The following SREK1 variants were observed in gnomAD, a reference collection of about 807,000 sequenced individuals.
The protein encoded by SREK1 is splicing regulatory glutamine/lysine-rich protein 1.
In SREK1, 13 loss-of-function variants were observed where a neutral mutation model predicts 66.5. The observed-to-expected ratio is 0.20, with a 90% CI of 0.13 to 0.31. SREK1 has a LOEUF of 0.31. Among genes scored for constraint, SREK1 ranks in the 10% least tolerant of loss-of-function variants. The pLI is 1.00. For missense variants in SREK1, 607 were observed against 769.6 expected (o/e 0.79, Z 2.50); for synonymous variants, 265 against 263.5 (o/e 1.01, Z -0.05).
Position 66,144,381 on chromosome 5 carries a change from ACAG to A in SREK1, c.7_9del (p.Ser3del), listed in dbSNP as rs1477981416. The A allele has an allele frequency of 3.9e-6, 6 of 1,547,342 alleles. No homozygotes were observed. In the African/African-American group the frequency reaches 5.5e-5, roughly 14 times the overall value. On this transcript the variant is annotated inframe_deletion, in exon 1 of 12. Transcript: ENST00000334121. ...GGCAACGGCAGCGGGATCGGGATGA[ACAG>A]CGGCGGCGGCTTCGGTTTGGGCTTA... is the stretch of plus-strand genomic sequence containing the variant.
intron 6 of SREK1, 61 bp downstream of exon 6, chr5:66,163,983 A>G: frequency 6.5e-7 from 1 of 1,532,386 alleles, no homozygotes. Context: ...TTAGAACTGG[A>G]AGGAATTTTA....
chr5:66,156,794 G>A, intron 2 of SREK1: 1 of 985,308 alleles, frequency 1.0e-6, no homozygotes, highest in Non-Finnish European at 1.2e-6. Flanking sequence ...GTGGGGAATG[G>A]ATATTTGAGA....
intron 1 of SREK1, among the ~76,000 whole-genome samples, chr5:66,149,933 C>T (rs1040521045): frequency 2.0e-5 from 3 of 152,248 alleles, no homozygotes; most frequent in Non-Finnish European, 4.4e-5. Flanking sequence ...TATCAGCAAT[C>T]AAGATGACTA....
rs182379954 is a variant in SREK1, at chr5:66,164,536, C to T, written c.887-247C>T. ...ACAGGAATTACAGACATGTTGTAAT[C>T]GTACGTTACGGCAGCAACAAAATAT... On this transcript the variant is annotated intron_variant, in intron 6 of 11. Transcript: ENST00000334121. The T allele has an allele frequency of 6.4e-5, 89 of 1,393,592 alleles. 1 individual carries two copies. In the East Asian group the frequency reaches 2.1e-3, roughly 33 times the overall value. The allele number at this position is 1,393,592 out of a possible 1,614,324, so 86.3% of individuals were successfully genotyped here.
chr5:66,153,657 G>A (rs1025345163), intron 2 of SREK1, 61 bp downstream of exon 2: 1 of 1,606,670 alleles, frequency 6.2e-7, no homozygotes, highest in Admixed American at 1.7e-5. Flanking sequence ...ATTGCCTTTA[G>A]CTTTCCTAGA....
chr5:66,149,717 A>G (rs776905392), intron 1 of SREK1, among the ~76,000 whole-genome samples: 1 of 152,254 alleles, frequency 6.6e-6, no homozygotes, highest in South Asian at 2.1e-4. Flanking sequence ...TTCAGAGGCA[A>G]AAGAGTTATT....
At chr5:66,144,576 C>G in intron 1 of SREK1, 39 bp downstream of exon 1, 1 of 1,528,208 alleles carries the variant, frequency 6.5e-7, no homozygotes, top group African/African-American at 1.4e-5. Context: ...GGCGCGGGCG[C>G]CATAGAGACC....
intron 1 of SREK1, 91 bp downstream of exon 1, chr5:66,144,628 C>T (rs937899279): frequency 1.4e-6 from 2 of 1,450,244 alleles, no homozygotes; most frequent in East Asian, 2.5e-5. Context: ...CGCGGGCGCG[C>T]GGTGCATGTC....
At chr5:66,160,204 G>T (rs994830613) in intron 3 of SREK1, among the ~76,000 whole-genome samples, 2 of 151,804 alleles carry the variant, frequency 1.3e-5, no homozygotes, top group Non-Finnish European at 2.9e-5. Flanking sequence ...TATTTTAAAA[G>T]AAGTGCCATT....
intron 5 of SREK1, 85 bp from the exon 6 acceptor site, chr5:66,163,707 A>G: frequency 2.1e-6 from 3 of 1,407,300 alleles, no homozygotes; most frequent in Non-Finnish European, 1.9e-6. Context: ...CCTCACGTTT[A>G]TAAATATGTG....
chr5:66,145,578 T>C (rs1200866551), intron 1 of SREK1, among the ~76,000 whole-genome samples: 1 of 152,078 alleles, frequency 6.6e-6, no homozygotes, highest in Admixed American at 6.6e-5. Flanking sequence ...ATAAAAGTTG[T>C]GTGGATATTT....
rs1409840158 is a variant in SREK1 at position 66,179,709 on chromosome 5, G to A, written c.*841G>A. ...GTGGCAAAGGTGCCCTTATAAAAAA[G>A]GAAACTGGCTTTTCAAAATGGGCTA... On this transcript the variant is annotated 3_prime_UTR_variant, in exon 12 of 12. Coordinates refer to ENST00000334121, the MANE Select transcript of SREK1 (RefSeq NM_001077199.3). 1 of 152,504 alleles carries A rather than the reference G, an allele frequency of 6.6e-6. No individual in the cohort carries two copies. Among genetic ancestry groups the A allele is most frequent in the African/African-American group, 2.4e-5 (1 of 41,442 alleles). 9.4% of individuals were successfully genotyped at this position (152,504 alleles called of 1,614,324 possible).
intron 9 of SREK1, 81 bp from the exon 10 acceptor site, chr5:66,174,865 A>G (rs1745926245): frequency 7.7e-7 from 1 of 1,291,720 alleles, no homozygotes; most frequent in Non-Finnish European, 1.1e-6. Flanking sequence ...GAGAATATCA[A>G]GGACCCTTTT....
chr5:66,151,488 A>T (rs1268241519), intron 1 of SREK1, among the ~76,000 whole-genome samples: 1 of 152,302 alleles, frequency 6.6e-6, no homozygotes, highest in South Asian at 2.1e-4. Flanking sequence ...GGGTAGTATG[A>T]TATCTTTTAC....
intron 10 of SREK1, among the ~76,000 whole-genome samples, chr5:66,176,771 A>G (rs750611906): frequency 1.3e-5 from 2 of 151,980 alleles, no homozygotes; most frequent in East Asian, 1.9e-4. Flanking sequence ...TTCTTTCATT[A>G]TGTTTAATTG....
chr5:66,164,972 GT>G, intron 7 of SREK1, 75 bp downstream of exon 7: 1 of 1,403,060 alleles, frequency 7.1e-7, no homozygotes, highest in African/African-American at 1.5e-5. Flanking sequence ...ATGAGTTTTC[GT>G]CAAAATATCA....
At chr5:66,165,452 C>A (rs1445489294) in intron 7 of SREK1, 1 of 152,524 alleles carries the variant, frequency 6.6e-6, no homozygotes, top group Admixed American at 6.5e-5. Flanking sequence ...GAGTAACTTG[C>A]AGTTTCAGCT....
At position 66,178,579 on chromosome 5, in the gene SREK1, T is replaced by C. The variant is rs1300907832; in HGVS notation, c.1726-140T>C. 4 of 704,924 alleles carry C rather than the reference T, an allele frequency of 5.7e-6. No homozygotes were observed. In the Admixed American group the frequency reaches 1.2e-4, roughly 21 times the overall value. The allele number at this position is 704,924 out of a possible 1,614,324, so 43.7% of individuals were successfully genotyped here. On this transcript the variant is annotated intron_variant, in intron 11 of 11. Transcript: ENST00000334121. ...GGGGAAATTGATAGTGTTTGCATATTCATTTTGTGTGAAAACGTAATGAGA... is the reference window on the plus strand; with the variant it reads ...GGGGAAATTGATAGTGTTTGCATATCCATTTTGTGTGAAAACGTAATGAGA...
Position 66,155,941 on chromosome 5 carries a change from A to G in SREK1, c.295+2345A>G, listed in dbSNP as rs1744252292. 4.3e-6 allele frequency: 6 copies of G among 1,392,632 alleles called. 1 individual carries two copies. The highest frequency in any genetic ancestry group is 2.1e-4 in the Middle Eastern group (1 of 4,680). 86.3% of individuals were successfully genotyped at this position (1,392,632 alleles called of 1,614,324 possible). ...TAACACGTAGAAAAAGATACGGTCA[A>G]ACATAACAAGGGTGTCAGCCTAATC... On this transcript the variant is annotated intron_variant, in intron 2 of 11. Transcript: ENST00000334121.
Sources: allele counts gnomAD v4.1 joint callset (sites outside exome capture counted in the v4.1 genomes callset), GRCh38; gene constraint gnomAD v4.1.1; transcripts MANE v1.5; gene names NCBI Gene and HGNC (gene_info 2026-07-23, HGNC 2026-07-21).